The following SLC24A2 variants were observed in gnomAD, a reference collection of about 807,000 sequenced individuals.
The protein encoded by SLC24A2 is solute carrier family 24 member 2.
Under a neutral mutation model 62.0 loss-of-function variants are expected in SLC24A2, and 36 were observed. The observed-to-expected ratio is 0.58, with a 90% CI of 0.44 to 0.77. The LOEUF is 0.77. Among genes scored for constraint, SLC24A2 ranks in the 30% least tolerant of loss-of-function variants. SLC24A2 has a pLI of 0.00. For synonymous variants in SLC24A2, 358 were observed against 294.0 expected (o/e 1.22, Z -2.23); for missense variants, 846 against 817.9 (o/e 1.03, Z -0.42).
At chr9:19,734,362 A>G (rs924044197) in intron 2 of SLC24A2, among the ~76,000 whole-genome samples, 5 of 152,218 alleles carry the variant, frequency 3.3e-5, no homozygotes, top group Admixed American at 6.5e-5. Flanking sequence ...TTGACTTGGC[A>G]ATGCGGGCTC....
intron 8 of SLC24A2, among the ~76,000 whole-genome samples, chr9:19,542,365 T>A (rs1010363055): frequency 6.6e-6 from 1 of 152,216 alleles, no homozygotes; most frequent in Non-Finnish European, 1.5e-5. Context: ...TTTCTAAATA[T>A]ACAATCATGT....
At chr9:20,078,421 A>G in the SLC24A2 span, among the ~76,000 whole-genome samples, 1 of 151,558 alleles carries the variant, frequency 6.6e-6, no homozygotes. Context: ...AGTGGTCAGC[A>G]TAGGTTTCTG....
chr9:19,663,152 C>T (rs191928008), intron 2 of SLC24A2, among the ~76,000 whole-genome samples: 3 of 152,306 alleles, frequency 2.0e-5, no homozygotes, highest in Non-Finnish European at 1.5e-5. Context: ...ATTCTCCTGA[C>T]ACCCTGCAAG....
the SLC24A2 span, among the ~76,000 whole-genome samples, chr9:19,864,064 A>G: frequency 1.3e-5 from 2 of 152,060 alleles, no homozygotes; most frequent in East Asian, 3.9e-4. Flanking sequence ...CTACATGCCA[A>G]TAAACTGGAA....
At chr9:19,815,362 G>A in the SLC24A2 span, among the ~76,000 whole-genome samples, 2 of 152,102 alleles carry the variant, frequency 1.3e-5, no homozygotes, top group Admixed American at 6.6e-5. Flanking sequence ...TACATTGCTT[G>A]TACTAATGAA....
chr9:19,654,022 C>T (rs894732363), intron 2 of SLC24A2, among the ~76,000 whole-genome samples: 8 of 152,136 alleles, frequency 5.3e-5, no homozygotes, highest in East Asian at 1.9e-4. Context: ...CCACCACCAC[C>T]GCACTCACGA....
At chr9:20,304,593 C>G in the SLC24A2 span, among the ~76,000 whole-genome samples, 2 of 152,096 alleles carry the variant, frequency 1.3e-5, no homozygotes, top group East Asian at 3.8e-4. Flanking sequence ...AATGTAAAGC[C>G]TACTTTACCC....
intron 7 of SLC24A2, among the ~76,000 whole-genome samples, chr9:19,553,102 C>T (rs780636816): frequency 1.3e-5 from 2 of 152,106 alleles, no homozygotes; most frequent in Admixed American, 6.6e-5. Flanking sequence ...GAGAGGTACC[C>T]CAGGAGCAAG....
intron 5 of SLC24A2, among the ~76,000 whole-genome samples, chr9:19,586,075 T>C (rs1383690849): frequency 6.6e-6 from 1 of 152,240 alleles, no homozygotes; most frequent in Non-Finnish European, 1.5e-5. Flanking sequence ...TCTTATTTCT[T>C]TTTAAGAAAC....
chr9:20,169,043 C>T, the SLC24A2 span, among the ~76,000 whole-genome samples: 1 of 151,936 alleles, frequency 6.6e-6, no homozygotes, highest in Non-Finnish European at 1.5e-5. Flanking sequence ...CATATTGATA[C>T]ATATTACAAA....
At chr9:19,898,538 T>C in the SLC24A2 span, among the ~76,000 whole-genome samples, 1 of 151,992 alleles carries the variant, frequency 6.6e-6, no homozygotes, top group South Asian at 2.1e-4. Context: ...GTCAGGAGAT[T>C]GAGACCATCC....
chr9:20,141,849 A>G, the SLC24A2 span, among the ~76,000 whole-genome samples: 1 of 152,198 alleles, frequency 6.6e-6, no homozygotes, highest in South Asian at 2.1e-4. Flanking sequence ...TTGAGAGGCC[A>G]AGGCAGGTGA....
At chr9:20,184,652 G>T in the SLC24A2 span, among the ~76,000 whole-genome samples, 1 of 152,166 alleles carries the variant, frequency 6.6e-6, no homozygotes, top group Admixed American at 6.5e-5. Context: ...ATAGGCTGAT[G>T]GGAATGTAAA....
Position 19,654,836 on chromosome 9 carries a change from G to A in SLC24A2, c.931-32537C>T, listed in dbSNP as rs147704938. Among the ~76,000 whole-genome samples the A allele has an allele frequency of 2.1e-3, 320 of 152,212 alleles. 2 individuals are homozygous for A. Among genetic ancestry groups the A allele is most frequent in the Non-Finnish European group, 3.7e-3 (250 of 68,016 alleles). On this transcript the variant is annotated intron_variant, in intron 2 of 10. Coordinates refer to ENST00000341998, the MANE Select transcript of SLC24A2 (RefSeq NM_020344.4). ...TTTAAATGCCTGGCACAGGCTCTCCGTACTCACACGGCAATGCAAGCATCA... is the reference window on the plus strand; with the variant it reads ...TTTAAATGCCTGGCACAGGCTCTCCATACTCACACGGCAATGCAAGCATCA...
intron 2 of SLC24A2, among the ~76,000 whole-genome samples, chr9:19,741,428 T>C (rs995377954): frequency 6.6e-6 from 1 of 152,172 alleles, no homozygotes; most frequent in Non-Finnish European, 1.5e-5. Context: ...TCACAGCAGG[T>C]GAATTCAATG....
the SLC24A2 span, among the ~76,000 whole-genome samples, chr9:20,018,288 T>TGCAATTTTATAAAATTGTGCAATTTTATA: frequency 3.3e-5 from 5 of 152,202 alleles, no homozygotes; most frequent in Admixed American, 2.0e-4. Flanking sequence ...CACTCAATAT[T>TGCAATTTTATAAAATTGTGCAATTTTATA]AACCATCACA....
chr9:20,160,136 T>C, the SLC24A2 span, among the ~76,000 whole-genome samples: 3 of 150,960 alleles, frequency 2.0e-5, no homozygotes, highest in Non-Finnish European at 4.4e-5. Flanking sequence ...AAAGCTGAGG[T>C]TGCAATCTTA....
the SLC24A2 span, among the ~76,000 whole-genome samples, chr9:20,106,057 A>G: frequency 6.6e-6 from 1 of 152,352 alleles, no homozygotes; most frequent in East Asian, 1.9e-4. Context: ...CCATCAGAGA[A>G]TACTACAAAC....
chr9:19,668,044 C>A (rs920004395), intron 2 of SLC24A2, among the ~76,000 whole-genome samples: 2 of 152,066 alleles, frequency 1.3e-5, no homozygotes, highest in African/African-American at 2.4e-5. Context: ...TCTCCTTGGC[C>A]ACATTGGAAG....
Sources: allele counts gnomAD v4.1 joint callset (sites outside exome capture counted in the v4.1 genomes callset), GRCh38; gene constraint gnomAD v4.1.1; transcripts MANE v1.5; gene names NCBI Gene and HGNC (gene_info 2026-07-23, HGNC 2026-07-21).